The following ELP4 variants were observed in gnomAD, a reference collection of about 807,000 sequenced individuals.
ELP4 encodes the protein elongator acetyltransferase complex subunit 4.
Under a neutral mutation model 48.9 loss-of-function variants are expected in ELP4, and 51 were observed. That is an observed-to-expected ratio of 1.04 (90% confidence interval 0.83 to 1.32). ELP4 has a LOEUF of 1.32. Ranked by LOEUF, ELP4 falls within the 40% of genes most tolerant of loss-of-function variation. The probability of loss-of-function intolerance (pLI) is 0.00; values close to 1 mark genes in which losing one functional copy is unlikely to be tolerated. For synonymous variants in ELP4, 210 were observed against 189.2 expected (o/e 1.11, Z -0.90); for missense variants, 519 against 514.6 (o/e 1.01, Z -0.08).
At chr11:31,776,152 C>CAAAAAAAAAA (rs371572032) in intron 9 of ELP4, among the ~76,000 whole-genome samples, 1 of 51,718 alleles carries the variant, frequency 1.9e-5, no homozygotes, top group Non-Finnish European at 3.4e-5. Context: ...CCCTATCTCA[C>CAAAAAAAAAA]AAAAAAAAAA....
chr11:31,686,563 T>C (rs1592223128), intron 9 of ELP4, among the ~76,000 whole-genome samples: 1 of 152,274 alleles, frequency 6.6e-6, no homozygotes. Flanking sequence ...ATGCAGAGAT[T>C]ACCAATCAGA....
At chr11:31,666,004 C>CTTTTTTTTT (rs35902758) in intron 9 of ELP4, among the ~76,000 whole-genome samples, 16 of 85,346 alleles carry the variant, frequency 1.9e-4, no homozygotes, top group African/African-American at 2.6e-4. Context: ...GTTTCAAATT[C>CTTTTTTTTT]TTTTTTTTTT....
chr11:31,694,570 G>C (rs1946357915), intron 9 of ELP4, among the ~76,000 whole-genome samples: 1 of 152,138 alleles, frequency 6.6e-6, no homozygotes, highest in African/African-American at 2.4e-5. Context: ...CTGTAGCCTT[G>C]TAGCATAGTT....
chr11:31,527,067 G>A (rs1956306618), intron 2 of ELP4, among the ~76,000 whole-genome samples: 1 of 152,014 alleles, frequency 6.6e-6, no homozygotes. Flanking sequence ...TAAACCTAGA[G>A]GATACTTGTC....
At chr11:31,596,837 T>C (rs1957678373) in intron 4 of ELP4, among the ~76,000 whole-genome samples, 1 of 152,136 alleles carries the variant, frequency 6.6e-6, no homozygotes, top group African/African-American at 2.4e-5. Context: ...TACAACTGAT[T>C]TTTTTTAATG....
intron 5 of ELP4, among the ~76,000 whole-genome samples, chr11:31,613,454 T>C (rs1958018949): frequency 6.6e-6 from 1 of 152,180 alleles, no homozygotes; most frequent in African/African-American, 2.4e-5. Flanking sequence ...TTGAAATACA[T>C]AGTAATAATA....
chr11:31,555,983 A>G (rs1239014288), intron 3 of ELP4, among the ~76,000 whole-genome samples: 1 of 151,976 alleles, frequency 6.6e-6, no homozygotes. Context: ...TCTAGAACCT[A>G]TAACCAACGC....
chr11:31,572,594 G>T (rs1957207367), intron 3 of ELP4, among the ~76,000 whole-genome samples: 1 of 152,258 alleles, frequency 6.6e-6, no homozygotes, highest in East Asian at 1.9e-4. Context: ...TTTATAGAGA[G>T]ATTGTCTATC....
At chr11:31,550,095 A>C (rs944824587) in intron 3 of ELP4, among the ~76,000 whole-genome samples, 2 of 152,142 alleles carry the variant, frequency 1.3e-5, no homozygotes, top group African/African-American at 4.8e-5. Context: ...TGTAACCTGC[A>C]CATTGTGCAC....
chr11:31,562,153 G>A (rs1178586445), intron 3 of ELP4, among the ~76,000 whole-genome samples: 1 of 152,130 alleles, frequency 6.6e-6, no homozygotes, highest in African/African-American at 2.4e-5. Context: ...AGAACCCAGG[G>A]ATTAATTACA....
At chr11:31,530,622 T>TGATATTCCTG (rs1956379827) in intron 2 of ELP4, among the ~76,000 whole-genome samples, 1 of 152,072 alleles carries the variant, frequency 6.6e-6, no homozygotes, top group Non-Finnish European at 1.5e-5. Context: ...AAGAAAAAAA[T>TGATATTCCTG]GATATTCCTG....
rs1956575520 is a variant in ELP4, at chr11:31,540,523, G to T, written c.381+740G>T. Among the ~76,000 whole-genome samples, 5 of 152,010 alleles carry T rather than the reference G, an allele frequency of 3.3e-5. No homozygotes were observed. In the South Asian group the frequency reaches 1.0e-3, roughly 32 times the overall value. On this transcript the variant is annotated intron_variant, in intron 3 of 9. Transcript: ENST00000640961. ...TTTTGAAGAGATGAGGTCTCACTAT[G>T]TTGCCAGACTGGTCTTGAATTCCTG...
At chr11:31,780,246 C>T (rs1948341605) in intron 9 of ELP4, among the ~76,000 whole-genome samples, 1 of 152,066 alleles carries the variant, frequency 6.6e-6, no homozygotes, top group Non-Finnish European at 1.5e-5. Flanking sequence ...TGTGTAAATG[C>T]TTTGGAAGCC....
At chr11:31,627,594 A>G (rs1158412887) in intron 6 of ELP4, among the ~76,000 whole-genome samples, 1 of 152,024 alleles carries the variant, frequency 6.6e-6, no homozygotes, top group Non-Finnish European at 1.5e-5. Flanking sequence ...TTATGTTAAG[A>G]TTTTATTGTA....
chr11:31,647,118 T>C (rs1945215928), intron 7 of ELP4: 1 of 151,782 alleles, frequency 6.6e-6, no homozygotes, highest in Admixed American at 6.6e-5. Context: ...TCATCTACCA[T>C]CTTTTCTTTC....
At chr11:31,550,862 G>T (rs1011982904) in intron 3 of ELP4, among the ~76,000 whole-genome samples, 2 of 152,134 alleles carry the variant, frequency 1.3e-5, no homozygotes, top group Admixed American at 1.3e-4. Context: ...AATGCCTTGA[G>T]CATCCCAAAA....
chr11:31,649,927 A>G, intron 8 of ELP4, 188 bp from the exon 9 acceptor site: 5 of 412,926 alleles, frequency 1.2e-5, no homozygotes, highest in Non-Finnish European at 4.3e-6. Context: ...ATTTCTGTTT[A>G]TCTTATTCTG....
At chr11:31,727,799 A>G (rs903427110) in intron 9 of ELP4, 2 of 152,184 alleles carry the variant, frequency 1.3e-5, no homozygotes, top group African/African-American at 4.8e-5. Flanking sequence ...CAGCCATAGG[A>G]CAGGTTGATG....
intron 9 of ELP4, among the ~76,000 whole-genome samples, chr11:31,687,500 T>C (rs1326113560): frequency 6.6e-6 from 1 of 152,212 alleles, no homozygotes; most frequent in Non-Finnish European, 1.5e-5. Flanking sequence ...ATGAGGCTCA[T>C]AGGTGACCAT....
Sources: allele counts gnomAD v4.1 joint callset (sites outside exome capture counted in the v4.1 genomes callset), GRCh38; gene constraint gnomAD v4.1.1; transcripts MANE v1.5; gene names NCBI Gene and HGNC (gene_info 2026-07-23, HGNC 2026-07-21).